The following GRIP1 variants were observed in gnomAD, a reference collection of about 807,000 sequenced individuals.
The protein encoded by GRIP1 is glutamate receptor interacting protein 1, also known as glutamate receptor-interacting protein 1.
Under a neutral mutation model 129.9 loss-of-function variants are expected in GRIP1, and 45 were observed. The observed-to-expected ratio is 0.35, with a 90% CI of 0.27 to 0.44. The LOEUF (loss-of-function observed/expected upper bound fraction) is 0.44, where lower values mean the gene tolerates loss of function less well. GRIP1 is among the 20% of genes least tolerant of loss of function. GRIP1 has a pLI of 1.00. For synonymous variants in GRIP1, 530 were observed against 520.8 expected (o/e 1.02, Z -0.24); for missense variants, 1,196 against 1,396.8 (o/e 0.86, Z 2.29).
At chr12:66,524,215 C>T (rs528857751) in intron 5 of GRIP1, among the ~76,000 whole-genome samples, 4 of 152,306 alleles carry the variant, frequency 2.6e-5, no homozygotes, top group South Asian at 2.1e-4. Flanking sequence ...CCCAAATCAA[C>T]AGAATATACA....
chr12:66,970,813 C>G (rs778357227), intron 1 of GRIP1, among the ~76,000 whole-genome samples: 35 of 152,158 alleles, frequency 2.3e-4, no homozygotes, highest in Non-Finnish European at 3.4e-4. Context: ...TTAGTTGACA[C>G]AGGAATCTAG....
chr12:66,887,971 C>T (rs2040593435), intron 1 of GRIP1, among the ~76,000 whole-genome samples: 1 of 152,214 alleles, frequency 6.6e-6, no homozygotes, highest in Non-Finnish European at 1.5e-5. Context: ...TTTTAACAAA[C>T]ACAGAAATCA....
chr12:67,040,376 C>G (rs1207205107), intron 1 of GRIP1, among the ~76,000 whole-genome samples: 1 of 152,188 alleles, frequency 6.6e-6, no homozygotes, highest in African/African-American at 2.4e-5. Flanking sequence ...CTTAGTCTAA[C>G]AATAACATTT....
intron 5 of GRIP1, among the ~76,000 whole-genome samples, chr12:66,529,284 A>G (rs7974552): frequency 0.19 from 28,904 of 152,136 alleles, 2,812 homozygotes; most frequent in African/African-American, 0.22. Context: ...CAATTCCACA[A>G]CTGGATATCT....
At chr12:66,801,059 A>G (rs577856400) in intron 1 of GRIP1, among the ~76,000 whole-genome samples, 1 of 152,242 alleles carries the variant, frequency 6.6e-6, no homozygotes, top group East Asian at 1.9e-4. Flanking sequence ...TTGAATACCA[A>G]TGAAAATTCT....
rs191125042 is a variant in GRIP1, at chr12:67,014,636, T to C, written c.58+54414A>G. 4.2e-4 allele frequency among the ~76,000 whole-genome samples: 64 copies of C among 152,222 alleles called. No homozygotes were observed. In the South Asian group the frequency reaches 0.012, roughly 29 times the overall value. On this transcript the variant is annotated intron_variant, in intron 1 of 1. Transcript: ENST00000643019. Reference sequence around the variant, plus strand: ...AAAGGGGGTTCTGTGGTCCATTATATTTGAGAAAACTTCCATTCCATAACC... The same window carrying C: ...AAAGGGGGTTCTGTGGTCCATTATACTTGAGAAAACTTCCATTCCATAACC...
chr12:67,021,443 T>A (rs1446070584), intron 1 of GRIP1, among the ~76,000 whole-genome samples: 1 of 152,218 alleles, frequency 6.6e-6, no homozygotes, highest in Non-Finnish European at 1.5e-5. Flanking sequence ...TGTTGTATCA[T>A]ATATCAATAG....
At chr12:66,753,863 T>C (rs1342893029) in intron 1 of GRIP1, among the ~76,000 whole-genome samples, 1 of 152,210 alleles carries the variant, frequency 6.6e-6, no homozygotes, top group Non-Finnish European at 1.5e-5. Context: ...ATTAATCTAA[T>C]AGAAAGCTTA....
At chr12:66,907,858 G>A (rs1415746475) in intron 1 of GRIP1, among the ~76,000 whole-genome samples, 2 of 152,124 alleles carry the variant, frequency 1.3e-5, no homozygotes, top group Non-Finnish European at 2.9e-5. Context: ...TGAATTATTT[G>A]AGGGGAGGGT....
At chr12:66,891,918 G>A (rs1308269635) in intron 1 of GRIP1, 3 of 152,382 alleles carry the variant, frequency 2.0e-5, no homozygotes, top group Non-Finnish European at 2.9e-5. Flanking sequence ...GGGACATAGC[G>A]AGAAATTCCA....
At chr12:66,942,049 C>T (rs1027809055) in intron 1 of GRIP1, among the ~76,000 whole-genome samples, 1 of 152,188 alleles carries the variant, frequency 6.6e-6, no homozygotes, top group Non-Finnish European at 1.5e-5. Flanking sequence ...TTTCATAGAA[C>T]ACTTACAGGC....
At chr12:66,900,598 T>C (rs185436186) in intron 1 of GRIP1, among the ~76,000 whole-genome samples, 78 of 152,298 alleles carry the variant, frequency 5.1e-4, no homozygotes, top group Non-Finnish European at 9.7e-4. Context: ...AGAGCCTATC[T>C]TTCTACATAG....
At chr12:66,648,412 C>T (rs2032538611) in intron 1 of GRIP1, among the ~76,000 whole-genome samples, 1 of 152,162 alleles carries the variant, frequency 6.6e-6, no homozygotes, top group South Asian at 2.1e-4. Flanking sequence ...TCTCTAAGTT[C>T]CAACAAAATA....
intron 14 of GRIP1, among the ~76,000 whole-genome samples, chr12:66,432,026 GT>G (rs1266865361): frequency 6.6e-6 from 1 of 152,052 alleles, no homozygotes; most frequent in Non-Finnish European, 1.5e-5. Context: ...TGGGAAGATA[GT>G]CTTAAAAGTA....
chr12:66,552,996 C>T (rs779380515), intron 2 of GRIP1, among the ~76,000 whole-genome samples: 1 of 152,180 alleles, frequency 6.6e-6, no homozygotes, highest in Non-Finnish European at 1.5e-5. Context: ...GGCTGTGCTG[C>T]CTATATCAAG....
chr12:66,444,756 T>G, intron 12 of GRIP1, 27 bp from the exon 13 acceptor site: 1 of 1,612,266 alleles, frequency 6.2e-7, no homozygotes, highest in Non-Finnish European at 8.5e-7. Flanking sequence ...TGTGAGAGGT[T>G]GTAGATGGAG....
At chr12:66,763,604 A>T (rs536087187) in intron 1 of GRIP1, among the ~76,000 whole-genome samples, 7 of 152,310 alleles carry the variant, frequency 4.6e-5, no homozygotes, top group African/African-American at 1.4e-4. Flanking sequence ...TGTGAGGACG[A>T]TCACTGAAAA....
At chr12:66,954,455 G>T (rs2041808511) in intron 1 of GRIP1, among the ~76,000 whole-genome samples, 1 of 152,144 alleles carries the variant, frequency 6.6e-6, no homozygotes, top group African/African-American at 2.4e-5. Flanking sequence ...TCTGGTTGTG[G>T]CCAAGTGTCC....
At chr12:66,726,709 G>A (rs1412404294) in intron 1 of GRIP1, among the ~76,000 whole-genome samples, 1 of 152,198 alleles carries the variant, frequency 6.6e-6, no homozygotes, top group Non-Finnish European at 1.5e-5. Flanking sequence ...AATCATATAC[G>A]GAAACTACAC....
Sources: allele counts gnomAD v4.1 joint callset (sites outside exome capture counted in the v4.1 genomes callset), GRCh38; gene constraint gnomAD v4.1.1; transcripts MANE v1.5; gene names NCBI Gene and HGNC (gene_info 2026-07-23, HGNC 2026-07-21).